Variants in UMODL1 observed in about 807,000 individuals in gnomAD.
UMODL1 encodes the protein uromodulin-like 1.
UMODL1 carries 128 observed loss-of-function variants against 136.3 expected under a neutral mutation model. The observed-to-expected ratio is 0.94, with a 90% CI of 0.81 to 1.09. The LOEUF (loss-of-function observed/expected upper bound fraction) is 1.09, where lower values mean the gene tolerates loss of function less well. UMODL1 is among the 50% of genes least tolerant of loss of function. The pLI is 0.00. For synonymous variants in UMODL1, 721 were observed against 720.0 expected (o/e 1.00, Z -0.02); for missense variants, 1,766 against 1,725.6 (o/e 1.02, Z -0.41).
At chr21:42,078,174 T>C (rs1290077235) in intron 2 of UMODL1, among the ~76,000 whole-genome samples, 2 of 137,360 alleles carry the variant, frequency 1.5e-5, no homozygotes, top group Admixed American at 7.1e-5. Context: ...GAGCAACACC[T>C]CCATCACCAA....
intron 6 of UMODL1, among the ~76,000 whole-genome samples, chr21:42,090,858 C>G (rs900541741): frequency 7.9e-5 from 12 of 152,182 alleles, no homozygotes; most frequent in Admixed American, 2.0e-4. Flanking sequence ...ATTCCAAGAA[C>G]AGTTTTTATA....
In UMODL1 at chr21:42,127,672, C is replaced by T. The variant is rs891583890; in HGVS notation, c.3531C>T (p.Ser1177=). ...GGAGTCCCATTTCCTCTCTTCTCAGCTGCCCTGTGCCCAACACATACACCA... is the reference window on the plus strand; with the variant it reads ...GGAGTCCCATTTCCTCTCTTCTCAGTTGCCCTGTGCCCAACACATACACCA... The part of the protein sequence containing the change: ...DPITFSFINN[S]CPVPNTYTNV... The change falls in exon 20 of 23, where the codon AGC becomes AGT. Residue 1177 remains serine (S), a splice_region_variant and synonymous_variant. Coordinates refer to ENST00000408910, the MANE Select transcript of UMODL1 (RefSeq NM_001004416.3). The T allele has an allele frequency of 8.1e-6, 13 of 1,612,390 alleles. No homozygotes were observed. The African/African-American group carries it at 1.5e-4, about 18-fold the overall frequency.
At chr21:42,124,304 G>A (rs1054109407) in intron 17 of UMODL1, among the ~76,000 whole-genome samples, 2 of 152,148 alleles carry the variant, frequency 1.3e-5, no homozygotes, top group Non-Finnish European at 2.9e-5. Flanking sequence ...GGGAGTGCAG[G>A]GTGGATCAGG....
chr21:42,080,165 C>T (rs2066345542), intron 2 of UMODL1, among the ~76,000 whole-genome samples: 2 of 152,196 alleles, frequency 1.3e-5, no homozygotes, highest in South Asian at 2.1e-4. Flanking sequence ...ATCAAAGCCG[C>T]CTTTTTCTGG....
In UMODL1 at chr21:42,110,983, C is replaced by A. The variant is rs1447228400; in HGVS notation, c.1761C>A (p.Thr587=). Residue 587 remains threonine, a synonymous_variant, in exon 11 of 23, where the codon ACC becomes ACA. Transcript: ENST00000408910. The part of the protein sequence containing the change: ...GTAALGLENF[T]LSPSPGYPQG... ...CAGCCCTCGGCCTAGAGAACTTCACCTTGTCACCCAGTCCTGGGTACCCTC... is the reference window on the plus strand; with the variant it reads ...CAGCCCTCGGCCTAGAGAACTTCACATTGTCACCCAGTCCTGGGTACCCTC... 2 of 1,613,048 alleles carry A rather than the reference C, an allele frequency of 1.2e-6. No individual in the cohort carries two copies. Among genetic ancestry groups the A allele is most frequent in the Admixed American group, 3.3e-5 (2 of 59,908 alleles).
intron 4 of UMODL1, among the ~76,000 whole-genome samples, chr21:42,086,052 G>A (rs1046400477): frequency 1.3e-5 from 2 of 152,224 alleles, no homozygotes; most frequent in Non-Finnish European, 2.9e-5. Flanking sequence ...CAACCAGGAT[G>A]TCTTCTCCAG....
At chr21:42,130,376 C>T (rs2067118976) in intron 21 of UMODL1, among the ~76,000 whole-genome samples, 1 of 152,162 alleles carries the variant, frequency 6.6e-6, no homozygotes, top group South Asian at 2.1e-4. Context: ...CAAAACCCCA[C>T]ATCAACTTTC....
chr21:42,129,163 G>A (rs2067101150), intron 20 of UMODL1, among the ~76,000 whole-genome samples: 1 of 152,132 alleles, frequency 6.6e-6, no homozygotes, highest in African/African-American at 2.4e-5. Flanking sequence ...GGCCCACCCT[G>A]ATGACCTCAG....
chr21:42,115,945 G>T lies in UMODL1; in HGVS notation c.2435G>T (p.Ser812Ile). Residue 812 changes from serine (S) to isoleucine (I), a missense_variant, in exon 14 of 23, where the codon AGC becomes ATC. Ser to Ile is a moderately radical substitution (Grantham distance 142). Transcript: ENST00000408910. Reference sequence around the variant, plus strand: ...TCAGAATCCTTTCGCAACGCAAGCAGCCAGGAGTATCGAGATTTCCTAGAA... The same window carrying T: ...TCAGAATCCTTTCGCAACGCAAGCATCCAGGAGTATCGAGATTTCCTAGAA... ...RYSESFRNAS[S>I]QEYRDFLELF... The T allele has an allele frequency of 6.2e-7, 1 of 1,613,974 alleles. No homozygotes were observed. Among genetic ancestry groups the T allele is most frequent in the Non-Finnish European group, 8.5e-7 (1 of 1,179,974 alleles).
intron 21 of UMODL1, among the ~76,000 whole-genome samples, chr21:42,132,185 TCATCCATC>T (rs1293449656): frequency 6.6e-6 from 1 of 151,892 alleles, no homozygotes; most frequent in Non-Finnish European, 1.5e-5. Context: ...TATCCATCTA[TCATCCATC>T]CATCCATTCA....
chr21:42,065,639 G>A (rs1471199646), intron 1 of UMODL1, among the ~76,000 whole-genome samples: 1 of 151,794 alleles, frequency 6.6e-6, no homozygotes, highest in Non-Finnish European at 1.5e-5. Flanking sequence ...CCTGGTTCAA[G>A]CGATTCTCCT....
rs576081525 is a variant in UMODL1, at chr21:42,109,714, C to G, written c.1657+15C>G. On this transcript the variant is annotated intron_variant, in intron 10 of 22. Transcript: ENST00000408910. ...GGCCTGTGAGGGTACGTGTCGACCC[C>G]CCTGCCGACTCTGGGAAGACCCCCT... 1.9e-6 allele frequency: 3 copies of G among 1,598,430 alleles called. No homozygotes were observed. In the South Asian group the frequency reaches 3.3e-5, roughly 18 times the overall value.
intron 1 of UMODL1, among the ~76,000 whole-genome samples, chr21:42,072,019 G>A (rs758577466): frequency 3.3e-5 from 5 of 151,326 alleles, no homozygotes; most frequent in Non-Finnish European, 7.4e-5. Flanking sequence ...CTGCACTGCA[G>A]CCTGGGCGGC....
intron 10 of UMODL1, among the ~76,000 whole-genome samples, chr21:42,110,219 T>C (rs1181573052): frequency 6.6e-6 from 1 of 152,178 alleles, no homozygotes; most frequent in Non-Finnish European, 1.5e-5. Context: ...CGGGGATACC[T>C]GGGATGCTGA....
In UMODL1 at chr21:42,095,089, G is replaced by GGT. The variant is rs1555922532; in HGVS notation, c.932-3837_932-3836insGT. ...CATCACTCCTTTGTTTTCTTCTGCT[G>GGT]TTTTTTTTTTTTTTTTTTTTTTTGA... On this transcript the variant is annotated intron_variant, in intron 6 of 22. Transcript: ENST00000408910. Among the ~76,000 whole-genome samples the GGT allele has an allele frequency of 6.8e-3, 419 of 61,188 alleles. 8 individuals carry two copies. The highest frequency in any genetic ancestry group is 9.0e-3 in the South Asian group (13 of 1,448). 40.1% of individuals were successfully genotyped at this position (61,188 alleles called of 152,430 possible).
In UMODL1 at chr21:42,110,993, A is replaced by G; in HGVS notation, c.1771A>G (p.Ser591Gly). 1 of 1,613,066 alleles carries G rather than the reference A, an allele frequency of 6.2e-7. No homozygotes were observed. The highest frequency in any genetic ancestry group is 8.5e-7 in the Non-Finnish European group (1 of 1,179,764). The change falls in exon 11 of 23, where the codon AGT becomes GGT. Residue 591 changes from serine (S) to glycine (G), a missense_variant. Physicochemically the swap from Ser to Gly is moderately conservative, Grantham distance 56 (BLOSUM62 0). Transcript: ENST00000408910. Reference sequence around the variant, plus strand: ...CCTAGAGAACTTCACCTTGTCACCCAGTCCTGGGTACCCTCAGGGCACCCC... The same window carrying G: ...CCTAGAGAACTTCACCTTGTCACCCGGTCCTGGGTACCCTCAGGGCACCCC... ...LGLENFTLSP[S>G]PGYPQGTPAA... is the part of the protein sequence containing the mutation.
At position 42,085,714 on chromosome 21, in the gene UMODL1, A is replaced by G. The variant is rs1451525955; in HGVS notation, c.603+302A>G. On this transcript the variant is annotated intron_variant, in intron 4 of 22. Transcript: ENST00000408910. The surrounding 1 kb of genome is among the most constrained non-coding windows in gnomAD (Gnocchi z 4.5). Reference sequence around the variant, plus strand: ...GATCCCTAAGCTTGCAGGGGTCTGCAGTCCCAGCAAAGACAGCCTAAGCCC... The same window carrying G: ...GATCCCTAAGCTTGCAGGGGTCTGCGGTCCCAGCAAAGACAGCCTAAGCCC... 6.6e-6 allele frequency among the ~76,000 whole-genome samples: 1 copy of G among 152,200 alleles called. No individual in the cohort carries two copies. The highest frequency in any genetic ancestry group is 6.5e-5 in the Admixed American group (1 of 15,284).
At chr21:42,080,271 A>C (rs2066346861) in intron 2 of UMODL1, among the ~76,000 whole-genome samples, 1 of 152,208 alleles carries the variant, frequency 6.6e-6, no homozygotes, top group Non-Finnish European at 1.5e-5. Context: ...TACAGAACGA[A>C]GCAGGGCCCG....
chr21:42,075,299 TCCA>T (rs1315715172), intron 1 of UMODL1, among the ~76,000 whole-genome samples: 2 of 152,132 alleles, frequency 1.3e-5, no homozygotes, highest in East Asian at 3.9e-4. Context: ...GCTTGAGTGA[TCCA>T]CCTGCCTCGG....
Sources: gnomAD v4.1 joint callset for allele counts (sites outside exome capture counted in the v4.1 genomes callset) on GRCh38, gnomAD v4.1.1 for gene constraint, Gnocchi (gnomAD v3.1) non-coding constraint, MANE v1.5 for transcripts, NCBI Gene and HGNC (gene_info 2026-07-23, HGNC 2026-07-21) for gene names.